The following RNF38 variants were observed in gnomAD, a reference collection of about 807,000 sequenced individuals.
The protein encoded by RNF38 is ring finger protein 38, also known as E3 ubiquitin-protein ligase RNF38.
RNF38 carries 15 observed loss-of-function variants against 67.2 expected under a neutral mutation model. The observed-to-expected ratio is 0.22, with a 90% CI of 0.15 to 0.34. The LOEUF (loss-of-function observed/expected upper bound fraction) is 0.34, where lower values mean the gene tolerates loss of function less well. RNF38 is among the 10% of genes least tolerant of loss of function. The pLI is 1.00. For missense variants in RNF38, 524 were observed against 639.9 expected (o/e 0.82, Z 1.95); for synonymous variants, 220 against 218.8 (o/e 1.01, Z -0.05).
intron 1 of RNF38, among the ~76,000 whole-genome samples, chr9:36,429,648 G>A (rs776770688): frequency 1.3e-5 from 2 of 152,018 alleles, no homozygotes; most frequent in Non-Finnish European, 1.5e-5. Context: ...ACAAAAATTA[G>A]CCACGCATGG....
At chr9:36,434,605 T>C (rs1480739596) in intron 1 of RNF38, among the ~76,000 whole-genome samples, 1 of 152,136 alleles carries the variant, frequency 6.6e-6, no homozygotes, top group Non-Finnish European at 1.5e-5. Context: ...GTCAGGCTGG[T>C]CTCGAACTCC....
At position 36,375,942 on chromosome 9, in the gene RNF38, G is replaced by A. The variant is rs777153233; in HGVS notation, c.348C>T (p.Asn116=). The change falls in exon 3 of 12, where the codon AAC becomes AAT. Residue 116 remains asparagine (N), a synonymous_variant. Coordinates refer to ENST00000259605, the MANE Select transcript of RNF38 (RefSeq NM_022781.5). Reference sequence around the variant, plus strand: ...AATTGTAATCAACTAACCTTCTTCTGTTGCGTGCAGGTGTGTTGCATCGTT... The same window carrying A: ...AATTGTAATCAACTAACCTTCTTCTATTGCGTGCAGGTGTGTTGCATCGTT... ...SGERCNTPAR[N]RRSPPVRRQR... The A allele has an allele frequency of 1.2e-6, 2 of 1,607,428 alleles. No homozygotes were observed. The highest frequency in any genetic ancestry group is 1.7e-5 in the Admixed American group (1 of 58,258).
chr9:36,369,587 G>C, intron 4 of RNF38, 132 bp downstream of exon 4: 1 of 690,020 alleles, frequency 1.4e-6, no homozygotes, highest in Non-Finnish European at 2.4e-6. Context: ...TTCTTAAAAG[G>C]AATGAGGAAC....
At chr9:36,483,766 G>A (rs1369501387) in intron 1 of RNF38, among the ~76,000 whole-genome samples, 2 of 152,152 alleles carry the variant, frequency 1.3e-5, no homozygotes, top group African/African-American at 4.8e-5. Context: ...ACCTTTGGGG[G>A]TTTTACTTTC....
intron 7 of RNF38, 59 bp from the exon 8 acceptor site, chr9:36,352,907 AATAAAGT>A: frequency 7.4e-6 from 9 of 1,209,090 alleles, no homozygotes; most frequent in Non-Finnish European, 1.1e-5. Context: ...TAGCCTGTCA[AATAAAGT>A]ATCTAATTAA....
At chr9:36,353,021 C>T in intron 7 of RNF38, 149 bp downstream of exon 7, 1 of 795,818 alleles carries the variant, frequency 1.3e-6, no homozygotes, top group Non-Finnish European at 2.0e-6. Context: ...TTAAACCATA[C>T]ACTCAGGTGT....
intron 1 of RNF38, among the ~76,000 whole-genome samples, chr9:36,448,056 T>C (rs913318525): frequency 6.6e-6 from 1 of 152,132 alleles, no homozygotes; most frequent in East Asian, 1.9e-4. Context: ...TCATCACATC[T>C]ACAATTTTAC....
intron 1 of RNF38, among the ~76,000 whole-genome samples, chr9:36,398,843 G>C (rs1439642737): frequency 6.6e-6 from 1 of 152,196 alleles, no homozygotes; most frequent in African/African-American, 2.4e-5. Context: ...GAATAAACTA[G>C]AAGACATAAT....
chr9:36,369,665 C>CA, intron 4 of RNF38, 54 bp downstream of exon 4: 1 of 1,395,006 alleles, frequency 7.2e-7, no homozygotes, highest in Non-Finnish European at 9.6e-7. Context: ...AAAAAAATCT[C>CA]AAACTGCCAC....
intron 4 of RNF38, among the ~76,000 whole-genome samples, chr9:36,364,716 T>C (rs1834813775): frequency 6.6e-6 from 1 of 152,254 alleles, no homozygotes; most frequent in South Asian, 2.1e-4. Flanking sequence ...ACTAGAACAG[T>C]GGTTCTCTAA....
chr9:36,377,734 G>T (rs1181200739), intron 2 of RNF38, among the ~76,000 whole-genome samples: 2 of 151,930 alleles, frequency 1.3e-5, no homozygotes, highest in African/African-American at 4.8e-5. Context: ...TGCATATAAC[G>T]TACACACATC....
At chr9:36,421,117 C>A (rs911164212) in intron 2 of RNF38, among the ~76,000 whole-genome samples, 1 of 152,140 alleles carries the variant, frequency 6.6e-6, no homozygotes, top group Non-Finnish European at 1.5e-5. Flanking sequence ...AGTGAGAAAA[C>A]TTATAAGAAA....
In RNF38 at chr9:36,376,023, C is replaced by T; in HGVS notation, c.267G>A (p.Met89Ile). The change falls in exon 3 of 12, where the codon ATG (methionine) becomes ATA (isoleucine). Residue 89 changes from methionine (M) to isoleucine (I), a missense_variant. This residue lies in a region of RNF38 where 461 missense variants were observed against 517.4 expected (regional missense o/e 0.89). Transcript: ENST00000259605. ...APSPPMRPWE[M>I]TSNRQPPSVR... ...CTGAAGGGGGCTGCCTATTTGATGTCATCTCCCATGGTCGCATTGGTGGTG... is the reference window on the plus strand; with the variant it reads ...CTGAAGGGGGCTGCCTATTTGATGTTATCTCCCATGGTCGCATTGGTGGTG... The T allele has an allele frequency of 6.2e-7, 1 of 1,613,338 alleles. No homozygotes were observed. Among genetic ancestry groups the T allele is most frequent in the Non-Finnish European group, 8.5e-7 (1 of 1,179,732 alleles).
intron 6 of RNF38, among the ~76,000 whole-genome samples, chr9:36,355,940 G>A (rs1003045913): frequency 2.0e-5 from 3 of 152,054 alleles, no homozygotes; most frequent in East Asian, 1.9e-4. Flanking sequence ...TCTGCCTCCT[G>A]GATTCAAGCG....
intron 1 of RNF38, among the ~76,000 whole-genome samples, chr9:36,454,580 C>CTTTTTTTT (rs377679133): frequency 8.9e-6 from 1 of 112,466 alleles, no homozygotes. Context: ...CATTAATTTA[C>CTTTTTTTT]TTTTTTTTTT....
At chr9:36,386,079 T>C (rs972354974) in intron 2 of RNF38, among the ~76,000 whole-genome samples, 7 of 152,236 alleles carry the variant, frequency 4.6e-5, no homozygotes, top group Non-Finnish European at 1.0e-4. Context: ...AATGTGTTGA[T>C]TGTAATGGTT....
intron 1 of RNF38, among the ~76,000 whole-genome samples, chr9:36,394,112 TA>T (rs1279630844): frequency 6.6e-6 from 1 of 152,130 alleles, no homozygotes; most frequent in East Asian, 1.9e-4. Flanking sequence ...CCATCTCTAC[TA>T]AAAATACAAA....
chr9:36,360,081 A>G (rs1197732782), intron 4 of RNF38, among the ~76,000 whole-genome samples: 1 of 152,092 alleles, frequency 6.6e-6, no homozygotes, highest in Non-Finnish European at 1.5e-5. Context: ...ACATTATGCC[A>G]TTACGTTGAA....
intron 2 of RNF38, among the ~76,000 whole-genome samples, chr9:36,420,255 G>A (rs1031598149): frequency 2.6e-5 from 4 of 151,914 alleles, no homozygotes; most frequent in East Asian, 1.9e-4. Context: ...ACCTTCGGCC[G>A]GGCACGGTGG....
Sources: allele counts gnomAD v4.1 joint callset (sites outside exome capture counted in the v4.1 genomes callset), GRCh38; gene constraint gnomAD v4.1.1; regional missense constraint gnomAD v4.1.1; transcripts MANE v1.5; gene names NCBI Gene and HGNC (gene_info 2026-07-23, HGNC 2026-07-21).